PKHD1: variants seen among roughly 807,000 people sequenced by gnomAD.
PKHD1 encodes the protein fibrocystin.
Under a neutral mutation model 412.0 loss-of-function variants are expected in PKHD1, and 291 were observed. That is an observed-to-expected ratio of 0.71 (90% CI 0.64 to 0.78). The LOEUF (loss-of-function observed/expected upper bound fraction) is 0.78, where lower values mean the gene tolerates loss of function less well. Among genes scored for constraint, PKHD1 ranks in the 30% least tolerant of loss-of-function variants. PKHD1 has a pLI of 0.00. For missense variants in PKHD1, 4,825 were observed against 4,950.7 expected, an observed-to-expected ratio of 0.97 and a Z score of 0.76; for synonymous variants, 1,777 against 1,821.5, an observed-to-expected ratio of 0.98 and a Z score of 0.62.
intron 43 of PKHD1, among the ~76,000 whole-genome samples, chr6:51,902,655 T>G (rs1239890308): frequency 6.6e-6 from 1 of 152,142 alleles, no homozygotes; most frequent in African/African-American, 2.4e-5. Flanking sequence ...GAGAGGAGTT[T>G]CCTGAAACAG....
intron 53 of PKHD1, among the ~76,000 whole-genome samples, chr6:51,778,082 T>C (rs944271480): frequency 2.0e-5 from 3 of 150,002 alleles, no homozygotes; most frequent in African/African-American, 4.9e-5. Context: ...AGCTGATAAA[T>C]GGAAAGCTTT....
At chr6:51,987,600 T>A (rs1796366757) in intron 35 of PKHD1, among the ~76,000 whole-genome samples, 1 of 152,154 alleles carries the variant, frequency 6.6e-6, no homozygotes, top group Admixed American at 6.5e-5. Flanking sequence ...ATAATAAAAG[T>A]TTCATAAATC....
intron 52 of PKHD1, 28 bp from the exon 53 acceptor site, chr6:51,791,401 T>C (rs377575639): frequency 1.2e-6 from 2 of 1,610,044 alleles, no homozygotes; most frequent in African/African-American, 2.7e-5. Context: ...ATTGCTCAGA[T>C]ATGTCACAAA....
rs149297988 is a variant in PKHD1 at position 51,908,127 on chromosome 6, A to C, written c.6682+1156T>G. Among the ~76,000 whole-genome samples the C allele has an allele frequency of 2.5e-3, 377 of 152,274 alleles. 3 individuals carry two copies. Among genetic ancestry groups the C allele is most frequent in the African/African-American group, 8.1e-3 (337 of 41,572 alleles). On this transcript the variant is annotated intron_variant, in intron 40 of 66. Transcript: ENST00000371117. ...CCAGAGAGAAGGAAATAAAGATACTAATCAATCCGAAGCACTAGCGGAGAG... is the reference window on the plus strand; with the variant it reads ...CCAGAGAGAAGGAAATAAAGATACTCATCAATCCGAAGCACTAGCGGAGAG...
rs1459101891 is a variant in PKHD1, at chr6:52,035,817, GAAAC to G, written c.3098-100_3098-97del. ...GATGGATAAAATGAAATTAAAATAT[GAAAC>G]TCCTTAGTCAAAACAAAGGCAATGC... On this transcript the variant is annotated intron_variant, in intron 27 of 66. Transcript: ENST00000371117. The G allele has an allele frequency of 1.6e-4, 198 of 1,258,250 alleles. 1 individual carries two copies. The East Asian group carries it at 4.3e-3, about 28-fold the overall frequency. 77.9% of individuals were successfully genotyped at this position (1,258,250 alleles called of 1,614,324 possible). A position where few individuals can be genotyped will look rare whatever the true frequency, so the allele number is the denominator to read the frequency against.
chr6:51,970,667 A>G (rs745671792), intron 35 of PKHD1, among the ~76,000 whole-genome samples: 2 of 152,196 alleles, frequency 1.3e-5, no homozygotes, highest in Non-Finnish European at 2.9e-5. Context: ...GTGCCTGCAT[A>G]TGGCAGTCCA....
intron 44 of PKHD1, 40 bp downstream of exon 44, chr6:51,887,093 A>G (rs756301263): frequency 3.4e-5 from 43 of 1,276,180 alleles, no homozygotes; most frequent in Non-Finnish European, 4.7e-5. Flanking sequence ...ATGTGAAATC[A>G]TAAGACAGCC....
At chr6:52,085,998 C>T (rs992446703) in intron 1 of PKHD1, among the ~76,000 whole-genome samples, 1 of 150,080 alleles carries the variant, frequency 6.7e-6, no homozygotes, top group Non-Finnish European at 1.5e-5. Flanking sequence ...ACTAAATACA[C>T]GTTTAATATA....
At chr6:51,689,153 C>A (rs1235796835) in intron 60 of PKHD1, among the ~76,000 whole-genome samples, 2 of 152,130 alleles carry the variant, frequency 1.3e-5, no homozygotes, top group African/African-American at 4.8e-5. Context: ...CCATCAAGAT[C>A]AAGTAGTCTT....
At chr6:52,021,792 G>A (rs551816994) in intron 33 of PKHD1, among the ~76,000 whole-genome samples, 2 of 149,754 alleles carry the variant, frequency 1.3e-5, no homozygotes, top group African/African-American at 4.9e-5. Flanking sequence ...TCTCCTCTTT[G>A]TATAAGACAA....
intron 60 of PKHD1, among the ~76,000 whole-genome samples, chr6:51,662,539 A>G (rs75189326): frequency 0.014 from 2,185 of 152,058 alleles, 52 homozygotes; most frequent in African/African-American, 0.049. Context: ...TAAGGAATTT[A>G]GAAAAAGATC....
intron 36 of PKHD1, among the ~76,000 whole-genome samples, chr6:51,947,901 T>C (rs1789715581): frequency 6.6e-6 from 1 of 152,160 alleles, no homozygotes; most frequent in Non-Finnish European, 1.5e-5. Context: ...CATGAACTCC[T>C]TTCCTTGTCT....
intron 66 of PKHD1, among the ~76,000 whole-genome samples, chr6:51,620,651 G>T (rs1766489990): frequency 6.6e-6 from 1 of 151,662 alleles, no homozygotes; most frequent in Admixed American, 6.6e-5. Context: ...AGCTGTCTTG[G>T]TTTGTGTTAG....
intron 63 of PKHD1, among the ~76,000 whole-genome samples, chr6:51,645,692 C>A (rs1399017694): frequency 6.6e-6 from 1 of 152,168 alleles, no homozygotes; most frequent in Non-Finnish European, 1.5e-5. Flanking sequence ...CGTTCCCAGC[C>A]TGAAAACATT....
chr6:51,905,970 A>T (rs1263109638), intron 41 of PKHD1, among the ~76,000 whole-genome samples: 1 of 152,176 alleles, frequency 6.6e-6, no homozygotes, highest in Admixed American at 6.5e-5. Flanking sequence ...TAAACTTTAA[A>T]ACTTCCCATT....
intron 46 of PKHD1, among the ~76,000 whole-genome samples, chr6:51,873,547 A>G (rs1353228519): frequency 6.6e-6 from 1 of 152,158 alleles, no homozygotes; most frequent in East Asian, 1.9e-4. Context: ...AAATCCACTG[A>G]GCTATTCCCC....
At position 51,659,369 on chromosome 6, in the gene PKHD1, T is replaced by A. The variant is rs2150413755; in HGVS notation, c.10757A>T (p.Asn3586Ile). 1 of 1,613,730 alleles carries A rather than the reference T, an allele frequency of 6.2e-7. No homozygotes were observed. The highest frequency in any genetic ancestry group is 2.2e-5 in the East Asian group (1 of 44,842). ...TTGGTTTTGGCCAATCTGTAAGAAGTTAGTTAGTCTTTCGAGTATTACTAT... is the reference window on the plus strand; with the variant it reads ...TTGGTTTTGGCCAATCTGTAAGAAGATAGTTAGTCTTTCGAGTATTACTAT... ...WEIVILERLT[N>I]FLQIGQNQIR... is the part of the protein sequence containing the mutation. Residue 3586 changes from asparagine to isoleucine, a missense_variant, in exon 61 of 67, where the codon AAC (asparagine) becomes ATC (isoleucine). By Grantham distance (149) the Asn-to-Ile change is moderately radical. Transcript: ENST00000371117.
chr6:51,810,642 TAA>T (rs1210063757), intron 52 of PKHD1, among the ~76,000 whole-genome samples: 4 of 152,164 alleles, frequency 2.6e-5, no homozygotes, highest in Non-Finnish European at 5.9e-5. Flanking sequence ...CTTAGCCACC[TAA>T]AATATGTGAC....
At position 51,753,264 on chromosome 6, in the gene PKHD1, C is replaced by A; in HGVS notation, c.8887G>T (p.Val2963Leu). Residue 2963 changes from valine (V) to leucine (L), a missense_variant, in exon 57 of 67, where the codon GTA (valine) becomes TTA (leucine). Val to Leu is a conservative substitution (Grantham distance 32, BLOSUM62 1). Coordinates refer to ENST00000371117, the MANE Select transcript of PKHD1 (RefSeq NM_138694.4). ...LTRNIQIQPD[V>L]SCRGRLFVGS... ...ACAAACAGTCTCCCCCTACATGATA[C>A]GTCAGGCTGAATTTGTATATTTCGG... 6.2e-7 allele frequency: 1 copy of A among 1,613,698 alleles called. No homozygotes were observed. Among genetic ancestry groups the A allele is most frequent in the Non-Finnish European group, 8.5e-7 (1 of 1,179,684 alleles).
Sources: allele counts gnomAD v4.1 joint callset (sites outside exome capture counted in the v4.1 genomes callset), GRCh38; gene constraint gnomAD v4.1.1; transcripts MANE v1.5; gene names NCBI Gene and HGNC (gene_info 2026-07-23, HGNC 2026-07-21).